GRAMD4: variants seen among roughly 807,000 people sequenced by gnomAD.
GRAMD4 encodes GRAM domain containing 4, also known as GRAM domain-containing protein 4.
Under a neutral mutation model 83.9 loss-of-function variants are expected in GRAMD4, and 25 were observed. The ratio of observed to expected loss-of-function variants is 0.30; its 90% confidence interval spans 0.22 to 0.42. The LOEUF (loss-of-function observed/expected upper bound fraction) is 0.42, where lower values mean the gene tolerates loss of function less well. GRAMD4 is among the 10% of genes least tolerant of loss of function. The pLI is 1.00. For missense variants in GRAMD4, 593 were observed against 788.7 expected (o/e 0.75, Z 2.97); for synonymous variants, 336 against 320.9 (o/e 1.05, Z -0.50).
intron 1 of GRAMD4, among the ~76,000 whole-genome samples, chr22:46,603,513 C>CTTTTTTTTTTTTTTTTTTTTTTTTTTTT (rs1569254347): frequency 9.4e-6 from 1 of 105,978 alleles, no homozygotes; most frequent in Non-Finnish European, 1.9e-5. Flanking sequence ...CCGGCCTCTT[C>CTTTTTTTTTTTTTTTTTTTTTTTTTTTT]TCTTTTTTTT....
At chr22:46,638,410 G>T (rs796282491) in intron 3 of GRAMD4, among the ~76,000 whole-genome samples, 2 of 152,380 alleles carry the variant, frequency 1.3e-5, no homozygotes, top group African/African-American at 4.8e-5. Flanking sequence ...CTCCAGGAGG[G>T]AGGTGGGGCA....
intron 8 of GRAMD4, among the ~76,000 whole-genome samples, chr22:46,665,254 G>A (rs916663721): frequency 2.0e-5 from 3 of 152,332 alleles, no homozygotes; most frequent in South Asian, 4.1e-4. Context: ...CACCTGGCTC[G>A]CCCTCAGCAG....
intron 1 of GRAMD4, among the ~76,000 whole-genome samples, chr22:46,602,823 A>T (rs2081324743): frequency 7.4e-6 from 1 of 135,844 alleles, no homozygotes; most frequent in Non-Finnish European, 1.5e-5. Context: ...GCTCACTGCA[A>T]CCTCTGCCTC....
chr22:46,643,239 C>G (rs1303124634), intron 3 of GRAMD4, among the ~76,000 whole-genome samples: 24 of 144,502 alleles, frequency 1.7e-4, no homozygotes, highest in African/African-American at 5.7e-4. Flanking sequence ...ATCCATCCAT[C>G]TATCCATCCA....
rs1328630934 is a variant in GRAMD4, at chr22:46,621,317, C to T, written c.-50+752C>T. On this transcript the variant is annotated intron_variant, in intron 1 of 18. Coordinates refer to ENST00000406902, the MANE Select transcript of GRAMD4 (RefSeq NM_015124.5). This position sits in a 1 kb window ranked among gnomAD's most constrained non-coding sequence, Gnocchi z 5.8. The stretch of plus-strand genomic sequence containing the variant: ...AGTGTCCTCCCCCAAAATTCATGTC[C>T]ACCTCGTACCTGTGGACCCGACCTT... Among the ~76,000 whole-genome samples the T allele has an allele frequency of 2.0e-5, 3 of 152,304 alleles. No homozygotes were observed. The highest frequency in any genetic ancestry group is 3.9e-4 in the East Asian group (2 of 5,178).
intron 2 of GRAMD4, among the ~76,000 whole-genome samples, chr22:46,629,814 C>T (rs2081738683): frequency 6.6e-6 from 1 of 152,306 alleles, no homozygotes; most frequent in South Asian, 2.1e-4. Context: ...ACTCCCATTT[C>T]CCTTGGCCAC....
intron 2 of GRAMD4, among the ~76,000 whole-genome samples, chr22:46,634,114 T>C (rs1451729805): frequency 1.3e-5 from 2 of 152,202 alleles, no homozygotes. Flanking sequence ...GTAAGTGAAG[T>C]ATTTGGAAAA....
intron 1 of GRAMD4, among the ~76,000 whole-genome samples, chr22:46,602,947 TG>T (rs1291193328): frequency 6.6e-6 from 1 of 151,722 alleles, no homozygotes; most frequent in Non-Finnish European, 1.5e-5. Context: ...TTCACCATGT[TG>T]GCCAGGCTGG....
intron 2 of GRAMD4, among the ~76,000 whole-genome samples, chr22:46,633,291 G>A (rs1351597544): frequency 6.6e-6 from 1 of 152,248 alleles, no homozygotes; most frequent in East Asian, 1.9e-4. Flanking sequence ...GTCACAGGTG[G>A]GTACTGTTCT....
At chr22:46,677,121 C>T (rs778689070) in intron 18 of GRAMD4, 26 bp from the exon 19 acceptor site, 19 of 1,610,664 alleles carry the variant, frequency 1.2e-5, no homozygotes, top group Non-Finnish European at 1.6e-5. Flanking sequence ...GTGCCATGCT[C>T]ACTGGTGGCA....
chr22:46,608,568 C>T (rs75112786), intron 1 of GRAMD4, among the ~76,000 whole-genome samples: 1 of 151,362 alleles, frequency 6.6e-6, no homozygotes, highest in African/African-American at 2.4e-5. Flanking sequence ...AGTGACAGCT[C>T]CTTGGGAGGC....
At chr22:46,650,776 C>T (rs1034315510) in intron 3 of GRAMD4, among the ~76,000 whole-genome samples, 47 of 152,306 alleles carry the variant, frequency 3.1e-4, no homozygotes, top group African/African-American at 1.0e-3. Context: ...GATTCTGCTT[C>T]ATTCCTTGGA....
At chr22:46,611,248 A>G (rs1259869549) in intron 1 of GRAMD4, among the ~76,000 whole-genome samples, 1 of 151,504 alleles carries the variant, frequency 6.6e-6, no homozygotes, top group East Asian at 1.9e-4. Context: ...AAAAATAAAC[A>G]TCTATGCGGT....
intron 1 of GRAMD4, among the ~76,000 whole-genome samples, chr22:46,585,012 A>G (rs919200117): frequency 6.6e-6 from 1 of 152,118 alleles, no homozygotes; most frequent in Non-Finnish European, 1.5e-5. Flanking sequence ...GAAAAGATCT[A>G]CAGAGCCGCA....
intron 1 of GRAMD4, among the ~76,000 whole-genome samples, chr22:46,607,202 A>G (rs2081373846): frequency 1.2e-4 from 1 of 8,038 alleles, no homozygotes; most frequent in Non-Finnish European, 5.5e-4. Flanking sequence ...CGTGTCTTTA[A>G]AAAGGGGGGG....
At chr22:46,610,656 T>C (rs2081408282) in intron 1 of GRAMD4, among the ~76,000 whole-genome samples, 1 of 152,132 alleles carries the variant, frequency 6.6e-6, no homozygotes, top group African/African-American at 2.4e-5. Context: ...TTGTGGGAAA[T>C]TGGGCAAGGG....
chr22:46,642,897 A>G (rs2147245902), intron 3 of GRAMD4, among the ~76,000 whole-genome samples: 1 of 151,724 alleles, frequency 6.6e-6, no homozygotes, highest in South Asian at 2.1e-4. Context: ...CTATCTATCC[A>G]TCCATCCATC....
At chr22:46,593,599 G>A (rs1189222325) in intron 1 of GRAMD4, among the ~76,000 whole-genome samples, 1 of 152,208 alleles carries the variant, frequency 6.6e-6, no homozygotes, top group Admixed American at 6.5e-5. Flanking sequence ...GGAGGCTTGT[G>A]GGCTGAGACC....
chr22:46,594,451 C>T (rs943368468), intron 1 of GRAMD4, among the ~76,000 whole-genome samples: 2 of 152,022 alleles, frequency 1.3e-5, no homozygotes, highest in African/African-American at 4.8e-5. Flanking sequence ...GTTCAGGGAT[C>T]CTTGGCACTT....
Sources: gnomAD v4.1 joint callset for allele counts (sites outside exome capture counted in the v4.1 genomes callset) on GRCh38, gnomAD v4.1.1 for gene constraint, Gnocchi (gnomAD v3.1) non-coding constraint, MANE v1.5 for transcripts, NCBI Gene and HGNC (gene_info 2026-07-23, HGNC 2026-07-21) for gene names.